Variants in PLCB4 observed in about 807,000 individuals in gnomAD.
PLCB4 encodes phospholipase C beta 4.
In PLCB4, 77 loss-of-function variants were observed where a neutral mutation model predicts 178.8. The observed-to-expected ratio is 0.43, with a 90% CI of 0.36 to 0.52. The LOEUF is 0.52. Among genes scored for constraint, PLCB4 ranks in the 20% least tolerant of loss-of-function variants. The probability of loss-of-function intolerance (pLI) is 0.00; values close to 1 mark genes in which losing one functional copy is unlikely to be tolerated. For missense variants in PLCB4, 1,024 were observed against 1,453.4 expected (o/e 0.70, Z 4.80); for synonymous variants, 496 against 490.8 (o/e 1.01, Z -0.14).
chr20:9,083,156 A>G (rs1242367385), intron 1 of PLCB4, among the ~76,000 whole-genome samples: 1 of 152,200 alleles, frequency 6.6e-6, no homozygotes, highest in African/African-American at 2.4e-5. Context: ...CATGGAAGGT[A>G]TGTCTCATTT....
intron 33 of PLCB4, among the ~76,000 whole-genome samples, chr20:9,454,730 A>G (rs1049761520): frequency 3.3e-5 from 5 of 152,256 alleles, no homozygotes; most frequent in East Asian, 3.8e-4. Flanking sequence ...CATGAAACCA[A>G]TGTAATTTGC....
intron 1 of PLCB4, among the ~76,000 whole-genome samples, chr20:9,084,766 A>T (rs1318258971): frequency 6.6e-6 from 1 of 152,240 alleles, no homozygotes; most frequent in Non-Finnish European, 1.5e-5. Context: ...TAAAGATTGG[A>T]TATAAAGACA....
chr20:9,172,781 A>T (rs2147048556), intron 2 of PLCB4, among the ~76,000 whole-genome samples: 1 of 152,244 alleles, frequency 6.6e-6, no homozygotes, highest in East Asian at 1.9e-4. Flanking sequence ...TAACAGGAGG[A>T]TTATATTAAG....
chr20:9,367,843 A>C (rs1165916221), intron 9 of PLCB4, among the ~76,000 whole-genome samples: 3 of 152,182 alleles, frequency 2.0e-5, no homozygotes, highest in Non-Finnish European at 4.4e-5. Flanking sequence ...TTTTGTAGAA[A>C]TAGCTTAGAT....
At chr20:9,155,302 A>T (rs1237494979) in intron 2 of PLCB4, among the ~76,000 whole-genome samples, 1 of 152,150 alleles carries the variant, frequency 6.6e-6, no homozygotes, top group African/African-American at 2.4e-5. Context: ...ATGGCTGAAT[A>T]GTATTCCATG....
chr20:9,179,013 A>C (rs1196220122), intron 2 of PLCB4, among the ~76,000 whole-genome samples: 1 of 152,194 alleles, frequency 6.6e-6, no homozygotes, highest in Non-Finnish European at 1.5e-5. Flanking sequence ...TATCTTTAAC[A>C]ACCCTTTTGA....
At chr20:9,463,254 C>G (rs143921837) in intron 35 of PLCB4, among the ~76,000 whole-genome samples, 1 of 152,110 alleles carries the variant, frequency 6.6e-6, no homozygotes, top group Non-Finnish European at 1.5e-5. Context: ...CTTATAAGAG[C>G]TCCTGAAGGA....
intron 3 of PLCB4, among the ~76,000 whole-genome samples, chr20:9,277,571 G>A (rs1355114826): frequency 6.6e-6 from 1 of 151,968 alleles, no homozygotes; most frequent in Non-Finnish European, 1.5e-5. Context: ...TGTTAACCTT[G>A]CACCACAGTT....
At chr20:9,351,199 CT>C (rs202205239) in intron 7 of PLCB4, among the ~76,000 whole-genome samples, 10 of 147,374 alleles carry the variant, frequency 6.8e-5, no homozygotes, top group South Asian at 2.1e-4. Flanking sequence ...GTGCTTTACT[CT>C]TTTTTTTTAA....
chr20:9,110,116 T>C lies in PLCB4; in HGVS notation c.-79+13774T>C, dbSNP rs528902595. Among the ~76,000 whole-genome samples the C allele has an allele frequency of 2.2e-3, 328 of 152,282 alleles. 1 individual carries two copies. Among genetic ancestry groups the C allele is most frequent in the African/African-American group, 7.7e-3 (322 of 41,564 alleles). On this transcript the variant is annotated intron_variant, in intron 2 of 39. Transcript: ENST00000378473. ...AACTATTTTTTGCAAAGTGTTAATTTGTAGAACGTTTTGAAACTCCGCATA... is the reference window on the plus strand; with the variant it reads ...AACTATTTTTTGCAAAGTGTTAATTCGTAGAACGTTTTGAAACTCCGCATA...
chr20:9,310,195 G>C (rs560278445), intron 4 of PLCB4, among the ~76,000 whole-genome samples: 1 of 152,240 alleles, frequency 6.6e-6, no homozygotes, highest in East Asian at 1.9e-4. Context: ...AAGCAGAAAA[G>C]GTTCGTTTCT....
chr20:9,457,860 T>A (rs1174374836), intron 34 of PLCB4, among the ~76,000 whole-genome samples: 2 of 152,184 alleles, frequency 1.3e-5, no homozygotes, highest in Admixed American at 6.5e-5. Context: ...CCGCCCAAAT[T>A]GGGAGGTGAT....
intron 32 of PLCB4, among the ~76,000 whole-genome samples, chr20:9,451,952 C>T (rs553864238): frequency 6.6e-6 from 1 of 152,314 alleles, no homozygotes; most frequent in South Asian, 2.1e-4. Context: ...CACAAAGGTG[C>T]ACACACATTG....
chr20:9,393,749 C>A, intron 18 of PLCB4, 71 bp downstream of exon 18: 1 of 1,054,392 alleles, frequency 9.5e-7, no homozygotes, highest in South Asian at 1.3e-5. Flanking sequence ...GTTGAGAATT[C>A]AATTTATTTT....
At chr20:9,396,253 A>T (rs1300945904) in intron 19 of PLCB4, among the ~76,000 whole-genome samples, 1 of 152,216 alleles carries the variant, frequency 6.6e-6, no homozygotes, top group Non-Finnish European at 1.5e-5. Flanking sequence ...CTTTGTATAG[A>T]CAAAAACATG....
At chr20:9,362,810 A>G in intron 7 of PLCB4, 86 bp from the exon 8 acceptor site, 1 of 789,670 alleles carries the variant, frequency 1.3e-6, no homozygotes, top group Non-Finnish European at 2.2e-6. Context: ...TTATTACACA[A>G]AATGGATACA....
At chr20:9,333,293 G>A (rs913086061) in intron 4 of PLCB4, among the ~76,000 whole-genome samples, 2 of 152,142 alleles carry the variant, frequency 1.3e-5, no homozygotes, top group African/African-American at 4.8e-5. Context: ...TGGTGTGGGA[G>A]TCAGTCAGTA....
intron 2 of PLCB4, among the ~76,000 whole-genome samples, chr20:9,193,606 T>C (rs1042912054): frequency 6.6e-6 from 1 of 152,148 alleles, no homozygotes; most frequent in African/African-American, 2.4e-5. Context: ...CCATTTTGAA[T>C]AGATTGGTAG....
chr20:9,377,926 G>A (rs540542690), intron 12 of PLCB4, among the ~76,000 whole-genome samples: 1 of 152,216 alleles, frequency 6.6e-6, no homozygotes, highest in South Asian at 2.1e-4. Context: ...GAAGTCTTAT[G>A]AAAAACACAG....
Sources: gnomAD v4.1 joint callset for allele counts (sites outside exome capture counted in the v4.1 genomes callset) on GRCh38, gnomAD v4.1.1 for gene constraint, MANE v1.5 for transcripts, NCBI Gene and HGNC (gene_info 2026-07-23, HGNC 2026-07-21) for gene names.